The following TTN variants were observed in gnomAD, a reference collection of about 807,000 sequenced individuals.
The protein encoded by TTN is connectin.
A neutral mutation model predicts 3,223.0 loss-of-function variants in TTN; 1,525 were observed. The observed-to-expected ratio is 0.47, with a 90% confidence interval of 0.45 to 0.49. TTN has a LOEUF of 0.49. Among genes scored for constraint, TTN ranks in the 20% least tolerant of loss-of-function variants. The probability of loss-of-function intolerance (pLI) is 0.00; values close to 1 mark genes in which losing one functional copy is unlikely to be tolerated. For synonymous variants in TTN, 14,094 were observed against 15,161.0 expected (o/e 0.93, Z 5.17); for missense variants, 40,786 against 43,424.0 (o/e 0.94, Z 5.40).
At chr2:178,529,275 A>G in intron 359 of TTN, 56 bp from the exon 360 acceptor site, 1 of 1,271,982 alleles carries the variant, frequency 7.9e-7, no homozygotes, top group Non-Finnish European at 1.0e-6. Context: ...CCCACCTTTT[A>G]CTCTTCTAGA....
chr2:178,799,456 C>T (rs771643692), intron 6 of TTN, 31 bp downstream of exon 6: 3 of 1,613,762 alleles, frequency 1.9e-6, no homozygotes, highest in Admixed American at 3.3e-5. Flanking sequence ...CCAAAATGTG[C>T]AATAATCTGC....
rs1243949460 is a variant in TTN, at chr2:178,589,876, A to G, written c.61849T>C (p.Ser20617Pro). ...EYRKPNQKGW[S>P]IVASDVTKRL... ...TTAGTGACATCTGATGCAACAATTGACCAGCCTTTCTGGTTTGGTTTGCGA... is the reference window on the plus strand; with the variant it reads ...TTAGTGACATCTGATGCAACAATTGGCCAGCCTTTCTGGTTTGGTTTGCGA... The change falls in exon 304 of 363, where the codon TCA (serine) becomes CCA (proline). Residue 20617 changes from serine (S) to proline (P), a missense_variant. Coordinates refer to ENST00000589042, the MANE Select transcript of TTN (RefSeq NM_001267550.2). 3 of 1,613,276 alleles carry G rather than the reference A, an allele frequency of 1.9e-6. No individual in the cohort carries two copies. The highest frequency in any genetic ancestry group is 4.5e-5 in the East Asian group (2 of 44,736).
At chr2:178,685,220 A>C in intron 129 of TTN, 33 bp downstream of exon 129, 1 of 1,475,376 alleles carries the variant, frequency 6.8e-7, no homozygotes, top group Admixed American at 2.3e-5. Flanking sequence ...CATTAAAATA[A>C]ATAGTGTTGC....
chr2:178,624,791 C>T, intron 241 of TTN, 60 bp from the exon 242 acceptor site: 5 of 1,580,758 alleles, frequency 3.2e-6, no homozygotes, highest in Non-Finnish European at 4.3e-6. Flanking sequence ...GTTTTGGTAC[C>T]TTCTCAACTT....
chr2:178,582,619 T>TATGTGGA, intron 313 of TTN, 27 bp from the exon 314 acceptor site: 1 of 1,575,568 alleles, frequency 6.3e-7, no homozygotes. Context: ...GAAGAGTGAA[T>TATGTGGA]ATGTGGAATG....
Position 178,592,636 on chromosome 2 carries a change from G to A in TTN, c.59369C>T (p.Ala19790Val), listed in dbSNP as rs1410710532. Residue 19790 changes from alanine to valine, a missense_variant, in exon 301 of 363, where the codon GCC becomes GTC. Ala to Val is a moderately conservative substitution (Grantham distance 64). Coordinates refer to ENST00000589042, the MANE Select transcript of TTN (RefSeq NM_001267550.2). Reference sequence around the variant, plus strand: ...AATGTGTTGTTCTCTTGCCATGTTGGCATCAAGAATCAACTCAGGGGGTTC... The same window carrying A: ...AATGTGTTGTTCTCTTGCCATGTTGACATCAAGAATCAACTCAGGGGGTTC... ...RLEPPELILD[A>V]NMAREQHIKV... is the part of the protein sequence containing the mutation. 3 of 1,612,992 alleles carry A rather than the reference G, an allele frequency of 1.9e-6. No individual in the cohort carries two copies. The highest frequency in any genetic ancestry group is 2.2e-5 in the South Asian group (2 of 91,042).
At position 178,594,033 on chromosome 2, in the gene TTN, A is replaced by G; in HGVS notation, c.58360T>C (p.Ser19454Pro). Residue 19454 changes from serine (S) to proline (P), a missense_variant, in exon 297 of 363, where the codon TCC becomes CCC. By Grantham distance (74) the Ser-to-Pro change is moderately conservative (BLOSUM62 -1). Transcript: ENST00000589042. ...LEKIKAKRSD[S>P]GKYCVVVENS... ...TCCACAACCACACAGTATTTGCCGGAATCTGAACGTTTGGCCTTGATCTTC... is the reference window on the plus strand; with the variant it reads ...TCCACAACCACACAGTATTTGCCGGGATCTGAACGTTTGGCCTTGATCTTC... The G allele has an allele frequency of 6.2e-7, 1 of 1,613,568 alleles. No individual in the cohort carries two copies. Among genetic ancestry groups the G allele is most frequent in the Non-Finnish European group, 8.5e-7 (1 of 1,179,664 alleles).
At chr2:178,769,017 G>T in intron 37 of TTN, 84 bp from the exon 38 acceptor site, 3 of 1,526,618 alleles carry the variant, frequency 2.0e-6, no homozygotes, top group Non-Finnish European at 2.7e-6. Flanking sequence ...TAAAAATTTG[G>T]AATGTTTTTA....
Position 178,530,876 on chromosome 2 carries a change from C to G in TTN, c.105739G>C (p.Val35247Leu), listed in dbSNP as rs1258108402. The change falls in exon 358 of 363, where the codon GTT (valine) becomes CTT (leucine). Residue 35247 changes from valine to leucine, a missense_variant. Physicochemically the swap from Val to Leu is conservative, Grantham distance 32 (BLOSUM62 1). Transcript: ENST00000589042. The part of the protein sequence containing the change: ...PEPRVKSPEA[V>L]KSPKRVKSPE... The stretch of plus-strand genomic sequence containing the variant: ...GATTTCACTCGTTTTGGAGACTTAA[C>G]TGCTTCTGGGGATTTCACCCGAGGC... The G allele has an allele frequency of 6.2e-7, 1 of 1,613,690 alleles. No individual in the cohort carries two copies. The highest frequency in any genetic ancestry group is 1.7e-5 in the Admixed American group (1 of 59,980).
intron 313 of TTN, 159 bp from the exon 314 acceptor site, chr2:178,582,751 A>G: frequency 1.1e-6 from 1 of 921,022 alleles, no homozygotes; most frequent in Non-Finnish European, 1.5e-6. Context: ...TTGTAAAATT[A>G]GGTAATTGAA....
At chr2:178,736,653 C>G (rs2154314993) in intron 49 of TTN, among the ~76,000 whole-genome samples, 1 of 152,298 alleles carries the variant, frequency 6.6e-6, no homozygotes, top group African/African-American at 2.4e-5. Flanking sequence ...TTCAGAACCT[C>G]TCTTTTTAAT....
At position 178,589,910 on chromosome 2, in the gene TTN, T is replaced by C. The variant is rs761374262; in HGVS notation, c.61815A>G (p.Ile20605Met). The change falls in exon 304 of 363, where the codon ATA becomes ATG. Residue 20605 changes from isoleucine (I) to methionine (M), a missense_variant. Transcript: ENST00000589042. The stretch of plus-strand genomic sequence containing the variant: ...TCTGGTTTGGTTTGCGATATTCTAC[T>C]ATGAAGTTTGTTATTTCTGAGCCAC... ...DNGGSEITNF[I>M]VEYRKPNQKG... is the part of the protein sequence containing the mutation. 43 of 1,613,264 alleles carry C rather than the reference T, an allele frequency of 2.7e-5. No homozygotes were observed. Among genetic ancestry groups the C allele is most frequent in the Non-Finnish European group, 3.6e-5 (43 of 1,179,584 alleles).
intron 171 of TTN, 31 bp downstream of exon 171, chr2:178,663,596 T>A (rs2065180973): frequency 1.2e-6 from 2 of 1,613,466 alleles, no homozygotes; most frequent in Non-Finnish European, 1.7e-6. Flanking sequence ...AAGAGATACA[T>A]CATCTGAAGC....
Position 178,593,833 on chromosome 2 carries a change from A to G in TTN, c.58467T>C (p.Phe19489=). The G allele has an allele frequency of 6.2e-7, 1 of 1,613,070 alleles. No individual in the cohort carries two copies. Among genetic ancestry groups the G allele is most frequent in the African/African-American group, 1.3e-5 (1 of 75,016 alleles). The stretch of plus-strand genomic sequence containing the variant: ...CCATGTAATCTTTGGTCACCTCATC[A>G]AAACTAACTGGTCCTACTGGTGGTC... The part of the protein sequence containing the change: ...RPGPPVGPVS[F]DEVTKDYMVI... Residue 19489 remains phenylalanine (F), a synonymous_variant, in exon 298 of 363, where the codon TTT becomes TTC. Coordinates refer to ENST00000589042, the MANE Select transcript of TTN (RefSeq NM_001267550.2).
intron 295 of TTN, 60 bp from the exon 296 acceptor site, chr2:178,594,706 G>T (rs2051041469): frequency 7.3e-7 from 1 of 1,360,984 alleles, no homozygotes; most frequent in South Asian, 1.5e-5. Flanking sequence ...AATGTAGTAG[G>T]ATGTAGTGAA....
rs771940719 is a variant in TTN at position 178,563,012 on chromosome 2, A to C, written c.83120T>G (p.Val27707Gly). ...AATGCCTTCTGCCTTTTCCCATTTA[A>C]CTTCGGGTTCTGGTCGACCTTTGAT... is the stretch of plus-strand genomic sequence containing the variant. ...VTIKGRPEPE[V>G]KWEKAEGILT... is the part of the protein sequence containing the mutation. The change falls in exon 326 of 363, where the codon GTT (valine) becomes GGT (glycine). Residue 27707 changes from valine (V) to glycine (G), a missense_variant. Physicochemically the swap from Val to Gly is moderately radical, Grantham distance 109 (BLOSUM62 -3). Transcript: ENST00000589042. The surrounding 1 kb of genome is among the most constrained non-coding windows in gnomAD (Gnocchi z 4.5). The C allele has an allele frequency of 6.2e-7, 1 of 1,613,648 alleles. No individual in the cohort carries two copies.
chr2:178,563,918 T>C lies in TTN; in HGVS notation c.82214A>G (p.Tyr27405Cys). The C allele has an allele frequency of 6.2e-7, 1 of 1,613,736 alleles. No homozygotes were observed. The highest frequency in any genetic ancestry group is 8.5e-7 in the Non-Finnish European group (1 of 1,179,726). ...LQDGGANISHYIIEKRETSRL... is the reference protein window; with the variant it reads ...LQDGGANISHCIIEKRETSRL... Reference sequence around the variant, plus strand: ...GCTTGTCTCCCTCTTTTCAATGATGTAATGTGAAATATTAGCACCACCATC... The same window carrying C: ...GCTTGTCTCCCTCTTTTCAATGATGCAATGTGAAATATTAGCACCACCATC... Residue 27405 changes from tyrosine (Y) to cysteine (C), a missense_variant, in exon 326 of 363, where the codon TAC becomes TGC. Coordinates refer to ENST00000589042, the MANE Select transcript of TTN (RefSeq NM_001267550.2). This position sits in a 1 kb window ranked among gnomAD's most constrained non-coding sequence, Gnocchi z 4.5.
In TTN at chr2:178,728,536, C is replaced by G. The variant is rs755082868; in HGVS notation, c.19390G>C (p.Gly6464Arg). The G allele has an allele frequency of 6.2e-7, 1 of 1,612,232 alleles. No individual in the cohort carries two copies. Among genetic ancestry groups the G allele is most frequent in the Admixed American group, 1.7e-5 (1 of 59,816 alleles). Reference protein sequence around the residue: ...QYTFKVENDFGSSSCDAYLRV... With the variant: ...QYTFKVENDFRSSSCDAYLRV... ...AAGTAGGCATCACAGCTACTGCTTC[C>G]GAAGTCATTTTCCACCTTGAAAGTG... The change falls in exon 66 of 363, where the codon GGA (glycine) becomes CGA (arginine). Residue 6464 changes from glycine (G) to arginine (R), a missense_variant. Physicochemically the swap from Gly to Arg is moderately radical, Grantham distance 125. Transcript: ENST00000589042.
Position 178,683,216 on chromosome 2 carries a change from A to G in TTN, c.32882T>C (p.Ile10961Thr). The G allele has an allele frequency of 6.5e-7, 1 of 1,548,894 alleles. No individual in the cohort carries two copies. The highest frequency in any genetic ancestry group is 8.7e-7 in the Non-Finnish European group (1 of 1,142,908). Residue 10961 changes from isoleucine to threonine, a missense_variant, in exon 134 of 363, where the codon ATC becomes ACC. Coordinates refer to ENST00000589042, the MANE Select transcript of TTN (RefSeq NM_001267550.2). ...IEAPKREPQPIKEVTIMEEKE... is the reference protein window; with the variant it reads ...IEAPKREPQPTKEVTIMEEKE... ...TTAATCAAAGTTCAATATACCTTTG[A>G]TGGGTTGAGGTTCTCTTTTTGGAGC...
Sources: gnomAD v4.1 joint callset for allele counts (sites outside exome capture counted in the v4.1 genomes callset) on GRCh38, gnomAD v4.1.1 for gene constraint, Gnocchi (gnomAD v3.1) non-coding constraint, MANE v1.5 for transcripts, NCBI Gene and HGNC (gene_info 2026-07-23, HGNC 2026-07-21) for gene names.